Variants in PCDHGA2 observed in about 807,000 individuals in gnomAD.
PCDHGA2 encodes the protein protocadherin gamma-A2.
PCDHGA2 carries 40 observed loss-of-function variants against 59.2 expected under a neutral mutation model. That is an observed-to-expected ratio of 0.68 (90% CI 0.52 to 0.88). The LOEUF (loss-of-function observed/expected upper bound fraction) is 0.88, where lower values mean the gene tolerates loss of function less well. Among genes scored for constraint, PCDHGA2 ranks in the 40% least tolerant of loss-of-function variants. The pLI is 0.00. For synonymous variants in PCDHGA2, 560 were observed against 526.0 expected, an observed-to-expected ratio of 1.06 and a Z score of -0.89; for missense variants, 1,226 against 1,204.0, an observed-to-expected ratio of 1.02 and a Z score of -0.27.
At chr5:141,433,207 TC>T (rs780557883) in intron 1 of PCDHGA2, 10 of 1,568,868 alleles carry the variant, frequency 6.4e-6, no homozygotes, top group African/African-American at 1.4e-5. Flanking sequence ...AAATCTTCTT[TC>T]TTTTTTTTTT....
intron 1 of PCDHGA2, among the ~76,000 whole-genome samples, chr5:141,358,101 A>C (rs1048505594): frequency 6.6e-6 from 1 of 152,166 alleles, no homozygotes; most frequent in African/African-American, 2.4e-5. Context: ...GAGGCATGAG[A>C]ATTGCTTGAA....
At chr5:141,355,964 T>A (rs774218837) in intron 1 of PCDHGA2, 1 of 1,613,906 alleles carries the variant, frequency 6.2e-7, no homozygotes, top group East Asian at 2.2e-5. Context: ...CGTGAGAACG[T>A]TCCTGTAGGC....
intron 1 of PCDHGA2, chr5:141,389,731 G>C (rs761645703): frequency 6.2e-7 from 1 of 1,612,688 alleles, no homozygotes; most frequent in Non-Finnish European, 8.5e-7. Context: ...GGGCTCTTCA[G>C]CCTGGGGCTG....
chr5:141,476,053 A>G lies in PCDHGA2; in HGVS notation c.2425-18754A>G. 2 of 1,501,944 alleles carry G rather than the reference A, an allele frequency of 1.3e-6. No homozygotes were observed. Among genetic ancestry groups the G allele is most frequent in the Non-Finnish European group, 1.8e-6 (2 of 1,131,392 alleles). 93.0% of individuals were successfully genotyped at this position (1,501,944 alleles called of 1,614,324 possible). ...CAGCGCCCAAGCGCTAACCCGCTGA[A>G]AGTTTCTCAGCGAAATCTCAGGGAC... On this transcript the variant is annotated intron_variant, in intron 1 of 3. Coordinates refer to ENST00000394576, the MANE Select transcript of PCDHGA2 (RefSeq NM_018915.4). The surrounding 1 kb of genome is among the most constrained non-coding windows in gnomAD (Gnocchi z 7.6).
Position 141,485,668 on chromosome 5 carries a change from T to C in PCDHGA2, c.2425-9139T>C. 6.2e-7 allele frequency: 1 copy of C among 1,612,698 alleles called. No homozygotes were observed. The highest frequency in any genetic ancestry group is 1.3e-5 in the African/African-American group (1 of 74,972). ...CTCAGGATGCAGATGTGGGGAGCAA[T>C]TCGATTAGCAGCTATAGGCTGAGCT... On this transcript the variant is annotated intron_variant, in intron 1 of 3. Transcript: ENST00000394576. The surrounding 1 kb of genome is among the most constrained non-coding windows in gnomAD (Gnocchi z 5.7).
chr5:141,382,530 G>T (rs1043069134), intron 1 of PCDHGA2, among the ~76,000 whole-genome samples: 2 of 152,150 alleles, frequency 1.3e-5, no homozygotes, highest in Non-Finnish European at 2.9e-5. Context: ...GTCTTAAAAT[G>T]GATTTTTAAT....
intron 1 of PCDHGA2, chr5:141,413,586 C>G (rs2095657085): frequency 2.5e-6 from 4 of 1,613,724 alleles, no homozygotes; most frequent in Admixed American, 1.7e-5. Context: ...CTCCAAAATT[C>G]CAAGCAGAAA....
At chr5:141,423,562 AC>A in intron 1 of PCDHGA2, 1 of 1,613,612 alleles carries the variant, frequency 6.2e-7, no homozygotes, top group Non-Finnish European at 8.5e-7. Flanking sequence ...CTATGGGGAC[AC>A]GCTCATCAGC....
rs1344998245 is a variant in PCDHGA2 at position 141,400,678 on chromosome 5, T to C, written c.2424+59283T>C. 7.9e-6 allele frequency: 7 copies of C among 881,884 alleles called. No homozygotes were observed. The East Asian group carries it at 1.5e-4, about 19-fold the overall frequency. The allele number at this position is 881,884 out of a possible 1,614,324, so 54.6% of individuals were successfully genotyped here. On this transcript the variant is annotated intron_variant, in intron 1 of 3. Coordinates refer to ENST00000394576, the MANE Select transcript of PCDHGA2 (RefSeq NM_018915.4). ...ACCATTCTTTAAGAGGAGCAGTAAA[T>C]TGTGAGTTTTTATGTCGCATAAAAG...
intron 1 of PCDHGA2, among the ~76,000 whole-genome samples, chr5:141,387,032 T>C (rs993852019): frequency 6.6e-6 from 1 of 152,202 alleles, no homozygotes; most frequent in Admixed American, 6.5e-5. Context: ...TTGTATTTCA[T>C]AACCAGTAAA....
At chr5:141,381,820 C>CTTTCTTTCTTTCTTTCT (rs1279410534) in intron 1 of PCDHGA2, among the ~76,000 whole-genome samples, 49 of 119,880 alleles carry the variant, frequency 4.1e-4, no homozygotes, top group African/African-American at 1.5e-3. Flanking sequence ...TTCTTTCTTT[C>CTTTCTTTCTTTCTTTCT]TTCTTCTTTT....
intron 1 of PCDHGA2, chr5:141,430,840 A>G: frequency 6.4e-7 from 1 of 1,565,876 alleles, no homozygotes; most frequent in East Asian, 2.2e-5. Flanking sequence ...GGGAGACCGG[A>G]TGCACCCAGA....
At chr5:141,409,471 AG>A in intron 1 of PCDHGA2, 1 of 1,613,978 alleles carries the variant, frequency 6.2e-7, no homozygotes, top group Non-Finnish European at 8.5e-7. Flanking sequence ...TCACCATCGT[AG>A]CCACTGACAG....
chr5:141,413,906 C>G, intron 1 of PCDHGA2: 1 of 1,613,310 alleles, frequency 6.2e-7, no homozygotes. Context: ...GACAACGCGC[C>G]GGTCTTCACC....
chr5:141,415,745 T>C, intron 1 of PCDHGA2: 1 of 517,922 alleles, frequency 1.9e-6, no homozygotes, highest in Non-Finnish European at 2.4e-6. Context: ...TTAAGGTTTT[T>C]TTTTTTTTTT....
Position 141,340,871 on chromosome 5 carries a change from G to T in PCDHGA2, c.1900G>T (p.Asp634Tyr). Residue 634 changes from aspartate (D) to tyrosine (Y), a missense_variant, in exon 1 of 4, where the codon GAC (aspartate) becomes TAC (tyrosine). Physicochemically the swap from Asp to Tyr is radical, Grantham distance 160. Transcript: ENST00000394576. ...GGTGCGCACGGCGCGAGCCCTGCTG[G>T]ACAGAGACGCGCTCAAGCAGAGCCT... ...GEVRTARALL[D>Y]RDALKQSLVV... The T allele has an allele frequency of 1.2e-6, 2 of 1,613,670 alleles. No individual in the cohort carries two copies.
intron 1 of PCDHGA2, chr5:141,408,389 G>T: frequency 6.2e-7 from 1 of 1,614,032 alleles, no homozygotes; most frequent in Non-Finnish European, 8.5e-7. Flanking sequence ...GGATGTGTCG[G>T]CTCGCAAGCT....
chr5:141,354,569 C>G (rs1055724310), intron 1 of PCDHGA2, among the ~76,000 whole-genome samples: 2 of 152,224 alleles, frequency 1.3e-5, no homozygotes, highest in Admixed American at 1.3e-4. Flanking sequence ...AAACTTGTTA[C>G]TGCATAAATT....
At chr5:141,355,743 C>T (rs750434737) in intron 1 of PCDHGA2, 2 of 1,613,960 alleles carry the variant, frequency 1.2e-6, no homozygotes, top group Non-Finnish European at 1.7e-6. Flanking sequence ...TTTCCCTGGA[C>T]GTGCAAAGTG....
Sources: allele counts gnomAD v4.1 joint callset (sites outside exome capture counted in the v4.1 genomes callset), GRCh38; gene constraint gnomAD v4.1.1; non-coding constraint Gnocchi (gnomAD v3.1); transcripts MANE v1.5; gene names NCBI Gene and HGNC (gene_info 2026-07-23, HGNC 2026-07-21).